Variants in MSL3B observed in about 807,000 individuals in gnomAD.
MSL3B encodes MSL complex subunit 3B.
At chr2:233,865,870 T>C in the MSL3B span, 3 of 296,984 alleles carry the variant, frequency 1.0e-5, no homozygotes, top group Non-Finnish European at 1.9e-5. Context: ...CTGTGAACAG[T>C]TGCTTTTTAC....
the MSL3B span, chr2:233,866,397 C>T: frequency 6.4e-5 from 67 of 1,049,502 alleles, no homozygotes; most frequent in South Asian, 1.9e-4. Flanking sequence ...TTGTCAGGTA[C>T]GAGCTTCCAG....
chr2:233,867,758 G>A, the MSL3B span, among the ~76,000 whole-genome samples: 1 of 149,026 alleles, frequency 6.7e-6, no homozygotes. Context: ...GATTACAGGA[G>A]TGAGCCACCG....
chr2:233,866,113 C>T, the MSL3B span: 13 of 561,854 alleles, frequency 2.3e-5, no homozygotes, highest in South Asian at 1.9e-4. Context: ...AGCAGTTGTT[C>T]TTACAGAACC....
chr2:233,867,680 G>A, the MSL3B span, among the ~76,000 whole-genome samples: 1 of 151,372 alleles, frequency 6.6e-6, no homozygotes, highest in African/African-American at 2.4e-5. Flanking sequence ...GTTTCACCAT[G>A]TTGGCCAGGC....
chr2:233,866,962 A>G, the MSL3B span: 1 of 1,373,344 alleles, frequency 7.3e-7, no homozygotes, highest in Non-Finnish European at 1.0e-6. Context: ...CTGCTGGGAT[A>G]TAAGGCACGT....
At chr2:233,865,404 G>A in the MSL3B span, 4 of 151,686 alleles carry the variant, frequency 2.6e-5, no homozygotes, top group South Asian at 4.2e-4. Context: ...TATTCCAATC[G>A]TCATTATATC....
At chr2:233,866,037 G>A in the MSL3B span, 2 of 397,394 alleles carry the variant, frequency 5.0e-6, no homozygotes, top group African/African-American at 4.2e-5. Flanking sequence ...TTTGTTTTGT[G>A]CTCTGGATAA....
At chr2:233,868,350 C>G in the MSL3B span, 1 of 165,160 alleles carries the variant, frequency 6.1e-6, no homozygotes, top group Non-Finnish European at 1.4e-5. Flanking sequence ...CCTCCTCCGT[C>G]GGCGGCTTGC....
the MSL3B span, chr2:233,867,233 TCAG>T: frequency 2.6e-6 from 2 of 765,454 alleles, no homozygotes; most frequent in East Asian, 4.9e-5. Context: ...TTCTTTCACT[TCAG>T]TCTTTTCTTC....
At chr2:233,867,476 T>C in the MSL3B span, 7 of 352,626 alleles carry the variant, frequency 2.0e-5, no homozygotes, top group Non-Finnish European at 3.7e-5. Flanking sequence ...TCTTTCTTTC[T>C]TTCTTTCTTT....
chr2:233,867,299 G>A, the MSL3B span: 1 of 716,592 alleles, frequency 1.4e-6, no homozygotes, highest in East Asian at 2.5e-5. Flanking sequence ...ACTGTCAGAG[G>A]AACTGCTTAA....
At chr2:233,866,441 C>T in the MSL3B span, 5 of 1,251,232 alleles carry the variant, frequency 4.0e-6, no homozygotes, top group Admixed American at 3.4e-5. Flanking sequence ...AGTTCTTCTC[C>T]CTTCAAAGCC....
At chr2:233,868,104 TG>T in the MSL3B span, 19 of 323,416 alleles carry the variant, frequency 5.9e-5, 1 homozygote, top group Admixed American at 4.5e-4. Flanking sequence ...CGATTTTCAC[TG>T]GGCTCACGAA....
At chr2:233,865,905 G>A in the MSL3B span, 1 of 320,882 alleles carries the variant, frequency 3.1e-6, no homozygotes, top group Non-Finnish European at 6.0e-6. Context: ...GGCCTACAAA[G>A]TAGCAAGTGT....
chr2:233,868,299 G>C, the MSL3B span: 2 of 259,956 alleles, frequency 7.7e-6, no homozygotes, highest in Non-Finnish European at 1.7e-5. Context: ...CACGGCAGGG[G>C]AGATTTAACG....
the MSL3B span, among the ~76,000 whole-genome samples, chr2:233,864,815 C>T: frequency 2.6e-5 from 4 of 152,188 alleles, no homozygotes; most frequent in African/African-American, 4.8e-5. Context: ...ACTTAGAGCA[C>T]GTCTCAATTT....
At chr2:233,867,755 G>GGAGT in the MSL3B span, among the ~76,000 whole-genome samples, 1 of 150,918 alleles carries the variant, frequency 6.6e-6, no homozygotes, top group Non-Finnish European at 1.5e-5. Flanking sequence ...TGGGATTACA[G>GGAGT]GAGTGAGCCA....
At chr2:233,865,379 C>T in the MSL3B span, 9,786 of 152,072 alleles carry the variant, frequency 0.064, 398 homozygotes, top group Middle Eastern at 0.12. Flanking sequence ...TAAATGAATA[C>T]GTAGCATTCT....
chr2:233,866,415 CCTCAT>C, the MSL3B span: 1 of 1,156,508 alleles, frequency 8.6e-7, no homozygotes, highest in East Asian at 2.4e-5. Context: ...CAGGAGAGGA[CCTCAT>C]TTATTTCATT....
Sources: gnomAD v4.1 joint callset for allele counts (sites outside exome capture counted in the v4.1 genomes callset) on GRCh38, gnomAD v4.1.1 for gene constraint, MANE v1.5 for transcripts, NCBI Gene and HGNC (gene_info 2026-07-23, HGNC 2026-07-21) for gene names.